The following ATP2B2 variants were observed in gnomAD, a reference collection of about 807,000 sequenced individuals.
The protein encoded by ATP2B2 is ATPase plasma membrane Ca2+ transporting 2.
In ATP2B2, 15 loss-of-function variants were observed where a neutral mutation model predicts 120.0. That is an observed-to-expected ratio of 0.12 (90% CI 0.08 to 0.19). The LOEUF (loss-of-function observed/expected upper bound fraction) is 0.19, where lower values mean the gene tolerates loss of function less well. Ranked by LOEUF, ATP2B2 falls within the 10% of genes least tolerant of loss-of-function variation. The probability of loss-of-function intolerance (pLI) is 1.00; values close to 1 mark genes in which losing one functional copy is unlikely to be tolerated. For synonymous variants in ATP2B2, 694 were observed against 700.3 expected (o/e 0.99, Z 0.14); for missense variants, 1,045 against 1,719.8 (o/e 0.61, Z 6.94).
chr3:10,363,658 G>A (rs532820812), intron 12 of ATP2B2, among the ~76,000 whole-genome samples: 5 of 152,190 alleles, frequency 3.3e-5, no homozygotes, highest in Admixed American at 2.6e-4. Flanking sequence ...TTGCAAAAAT[G>A]GGATTAAGAA....
At chr3:10,643,065 C>CACA (rs369120862) in intron 1 of ATP2B2, among the ~76,000 whole-genome samples, 5,422 of 151,892 alleles carry the variant, frequency 0.036, 91 homozygotes, top group Middle Eastern at 0.051. Flanking sequence ...TACGCACTCA[C>CACA]ACAACAACAA....
intron 10 of ATP2B2, among the ~76,000 whole-genome samples, chr3:10,376,902 G>A (rs1172625569): frequency 2.6e-5 from 4 of 152,170 alleles, no homozygotes; most frequent in African/African-American, 9.7e-5. Flanking sequence ...GATCGGGAGA[G>A]GCTGGGAGTT....
chr3:10,575,466 T>C lies in ATP2B2; in HGVS notation c.-414-41333A>G, dbSNP rs116168772. Among the ~76,000 whole-genome samples the C allele has an allele frequency of 4.7e-3, 710 of 152,232 alleles. 6 individuals carry two copies. Among genetic ancestry groups the C allele is most frequent in the South Asian group, 0.014 (68 of 4,816 alleles). Reference sequence around the variant, plus strand: ...CCATATAAAGTCTTTAGATAAGAGTTTCAGTTGGGGAAGATGAAGAATTTG... The same window carrying C: ...CCATATAAAGTCTTTAGATAAGAGTCTCAGTTGGGGAAGATGAAGAATTTG... On this transcript the variant is annotated intron_variant, in intron 2 of 21. Coordinates refer to the ATP2B2 transcript ENST00000646379.
chr3:10,345,329 C>T, intron 18 of ATP2B2, 55 bp downstream of exon 18: 1 of 1,600,886 alleles, frequency 6.2e-7, no homozygotes, highest in Non-Finnish European at 8.6e-7. Context: ...CCCCGAGCCT[C>T]TGTGGGGGGT....
chr3:10,603,458 T>C (rs17033198), intron 2 of ATP2B2, among the ~76,000 whole-genome samples: 8,483 of 152,266 alleles, frequency 0.056, 260 homozygotes, highest in East Asian at 0.09. Context: ...TGCACACTCA[T>C]TGTTGGAATG....
intron 2 of ATP2B2, among the ~76,000 whole-genome samples, chr3:10,575,150 A>C (rs776934624): frequency 3.3e-5 from 5 of 152,148 alleles, no homozygotes; most frequent in Non-Finnish European, 7.4e-5. Context: ...AAAGAGCTGG[A>C]AGTGGGGATA....
At chr3:10,623,946 T>C (rs1247801770) in intron 1 of ATP2B2, among the ~76,000 whole-genome samples, 3 of 152,234 alleles carry the variant, frequency 2.0e-5, no homozygotes, top group African/African-American at 7.2e-5. Context: ...AAATGCCAGC[T>C]GCTCTTGGGG....
At chr3:10,703,256 C>T (rs2071846276) in intron 1 of ATP2B2, among the ~76,000 whole-genome samples, 1 of 152,188 alleles carries the variant, frequency 6.6e-6, no homozygotes, top group Non-Finnish European at 1.5e-5. Context: ...CGTCTCTGCC[C>T]TTTCTCCTCC....
chr3:10,598,911 G>A (rs1273560658), intron 2 of ATP2B2, among the ~76,000 whole-genome samples: 1 of 152,200 alleles, frequency 6.6e-6, no homozygotes, highest in East Asian at 1.9e-4. Context: ...TCTCAGCCAT[G>A]GATCTAATAA....
intron 22 of ATP2B2, among the ~76,000 whole-genome samples, chr3:10,334,512 T>C (rs889693812): frequency 5.3e-5 from 8 of 152,234 alleles, no homozygotes; most frequent in African/African-American, 1.9e-4. Flanking sequence ...ATGGGACCGG[T>C]GTTGCCTTCC....
At chr3:10,528,451 C>A (rs2067144670) in intron 3 of ATP2B2, among the ~76,000 whole-genome samples, 1 of 152,152 alleles carries the variant, frequency 6.6e-6, no homozygotes, top group Non-Finnish European at 1.5e-5. Context: ...TGCTTGTGCC[C>A]TATAATGTGC....
chr3:10,540,169 A>G (rs564599811), intron 2 of ATP2B2, among the ~76,000 whole-genome samples: 2 of 152,324 alleles, frequency 1.3e-5, no homozygotes, highest in South Asian at 4.2e-4. Flanking sequence ...CCACAATGAG[A>G]TACCATCTCA....
intron 1 of ATP2B2, among the ~76,000 whole-genome samples, chr3:10,478,932 C>T (rs925209196): frequency 6.6e-6 from 1 of 152,128 alleles, no homozygotes; most frequent in Non-Finnish European, 1.5e-5. Flanking sequence ...TGAGTTCTCA[C>T]AAGATCTCAT....
chr3:10,501,873 C>T (rs548021636), intron 1 of ATP2B2, among the ~76,000 whole-genome samples: 2 of 152,320 alleles, frequency 1.3e-5, no homozygotes, highest in East Asian at 3.9e-4. Context: ...CACCTCAGCT[C>T]CCCAGGGTGC....
chr3:10,361,151 T>C (rs1176380394), intron 12 of ATP2B2, among the ~76,000 whole-genome samples: 1 of 152,154 alleles, frequency 6.6e-6, no homozygotes, highest in African/African-American at 2.4e-5. Context: ...CCCTCATGAG[T>C]TCAATTAGGT....
chr3:10,476,259 T>C (rs189223194), intron 1 of ATP2B2, among the ~76,000 whole-genome samples: 1 of 152,202 alleles, frequency 6.6e-6, no homozygotes, highest in South Asian at 2.1e-4. Context: ...GAAGGGGCCA[T>C]GAACCTACCA....
intron 1 of ATP2B2, among the ~76,000 whole-genome samples, chr3:10,465,055 G>T (rs765438331): frequency 3.9e-5 from 6 of 152,154 alleles, no homozygotes; most frequent in Admixed American, 1.3e-4. Flanking sequence ...GGCTGCTCTG[G>T]GGAGGCCTAA....
intron 1 of ATP2B2, among the ~76,000 whole-genome samples, chr3:10,451,116 G>A (rs540620171): frequency 1.3e-5 from 2 of 152,304 alleles, no homozygotes; most frequent in African/African-American, 2.4e-5. Context: ...TTTCCCAGCC[G>A]GGAACTTGAA....
intron 1 of ATP2B2, among the ~76,000 whole-genome samples, chr3:10,645,745 T>G (rs1433947933): frequency 6.6e-6 from 1 of 152,240 alleles, no homozygotes; most frequent in Non-Finnish European, 1.5e-5. Flanking sequence ...GCATGTCCCC[T>G]AAGGTCCCAA....
Sources: allele counts gnomAD v4.1 joint callset (sites outside exome capture counted in the v4.1 genomes callset), GRCh38; gene constraint gnomAD v4.1.1; transcripts MANE v1.5; gene names NCBI Gene and HGNC (gene_info 2026-07-23, HGNC 2026-07-21).